NPY1R: variants seen among roughly 807,000 people sequenced by gnomAD.
The protein encoded by NPY1R is neuropeptide Y receptor type 1.
NPY1R carries 10 observed loss-of-function variants against 24.1 expected under a neutral mutation model. The observed-to-expected ratio is 0.42, with a 90% CI of 0.26 to 0.71. The LOEUF is 0.71. Ranked by LOEUF, NPY1R falls within the 30% of genes least tolerant of loss-of-function variation. The pLI is 0.28. For synonymous variants in NPY1R, 168 were observed against 165.9 expected, an observed-to-expected ratio of 1.01 and a Z score of -0.10; for missense variants, 350 against 458.0, an observed-to-expected ratio of 0.76 and a Z score of 2.15.
At position 163,325,601 on chromosome 4, in the gene NPY1R, AAC is replaced by A; in HGVS notation, c.855_856del (p.Phe286Ter). ...AGCAATGATCTGATGATTCCAATCA[AAC>A]ACAGTGTTAAAGATGGTAAGAGGGA... On this transcript the variant is annotated frameshift_variant, in exon 3 of 3. Transcript: ENST00000296533. LOFTEE classifies it high-confidence loss of function. 1.2e-6 allele frequency: 2 copies of A among 1,613,778 alleles called. No homozygotes were observed. Among genetic ancestry groups the A allele is most frequent in the Non-Finnish European group, 1.7e-6 (2 of 1,179,994 alleles).
Position 163,325,151 on chromosome 4 carries a change from C to T in NPY1R, c.*152G>A, listed in dbSNP as rs1734572800. ...GTTCCAAATGTAATTATGACAACTA[C>T]AACAAAAGCAGTAAAAAGCAAGACA... On this transcript the variant is annotated 3_prime_UTR_variant, in exon 3 of 3. Transcript: ENST00000296533. 1.6e-6 allele frequency: 1 copy of T among 627,852 alleles called. No homozygotes were observed. Among genetic ancestry groups the T allele is most frequent in the East Asian group, 2.8e-5 (1 of 36,266 alleles). The allele number at this position is 627,852 out of a possible 1,614,324, so 38.9% of individuals were successfully genotyped here.
Position 163,325,256 on chromosome 4 carries a change from C to T in NPY1R, c.*47G>A. On this transcript the variant is annotated 3_prime_UTR_variant, in exon 3 of 3. Transcript: ENST00000296533. Reference sequence around the variant, plus strand: ...TAATCAAAGTATGTTGCAGGTTGTGCTTGTTTTTAAACAGATGTCATCCGG... The same window carrying T: ...TAATCAAAGTATGTTGCAGGTTGTGTTTGTTTTTAAACAGATGTCATCCGG... 1.5e-6 allele frequency: 2 copies of T among 1,359,982 alleles called. No homozygotes were observed. The highest frequency in any genetic ancestry group is 2.7e-5 in the South Asian group (2 of 74,040). The allele number at this position is 1,359,982 out of a possible 1,614,324, so 84.2% of individuals were successfully genotyped here. A position where few individuals can be genotyped will look rare whatever the true frequency, so the allele number is the denominator to read the frequency against.
upstream of NPY1R, among the ~76,000 whole-genome samples, chr4:163,337,631 C>T (rs529942979): frequency 7.4e-4 from 112 of 152,284 alleles, no homozygotes; most frequent in African/African-American, 2.5e-3. Context: ...TGTCCCACCA[C>T]GCAGTCCATA....
upstream of NPY1R, among the ~76,000 whole-genome samples, chr4:163,336,428 A>G (rs1424319516): frequency 6.6e-6 from 1 of 152,170 alleles, no homozygotes; most frequent in African/African-American, 2.4e-5. Context: ...CCCTTCATAT[A>G]TTCTTTTGAA....
At chr4:163,328,446 T>C (rs1734657311) in intron 1 of NPY1R, among the ~76,000 whole-genome samples, 1 of 152,242 alleles carries the variant, frequency 6.6e-6, no homozygotes, top group African/African-American at 2.4e-5. Context: ...CTATTTAAGT[T>C]GCTACAGAGA....
chr4:163,342,000 C>G (rs1485798729), intron 1 of NPY1R, among the ~76,000 whole-genome samples: 1 of 152,122 alleles, frequency 6.6e-6, no homozygotes, highest in Admixed American at 6.5e-5. Context: ...TCCAAGTGTT[C>G]TTAATACTGT....
At chr4:163,327,369 C>T (rs911794878) in intron 1 of NPY1R, among the ~76,000 whole-genome samples, 1 of 152,088 alleles carries the variant, frequency 6.6e-6, no homozygotes, top group African/African-American at 2.4e-5. Context: ...TAGAACACAG[C>T]GTTGAGCTTA....
upstream of NPY1R, among the ~76,000 whole-genome samples, chr4:163,337,141 A>G (rs550767182): frequency 3.9e-5 from 6 of 152,284 alleles, 1 homozygote; most frequent in East Asian, 1.2e-3. Flanking sequence ...CCAGATACAA[A>G]TACATCTAGA....
At position 163,324,401 on chromosome 4, in the gene NPY1R, C is replaced by T. The variant is rs996190805; in HGVS notation, c.*902G>A. On this transcript the variant is annotated 3_prime_UTR_variant, in exon 3 of 3. Coordinates refer to ENST00000296533, the MANE Select transcript of NPY1R (RefSeq NM_000909.6). The stretch of plus-strand genomic sequence containing the variant: ...ATTTTGTGTTTCTACAAATTGTAAG[C>T]GGAAATGCCTTTTGAGTACATATTT... 1 of 152,322 alleles carries T rather than the reference C, an allele frequency of 6.6e-6. No homozygotes were observed. Among genetic ancestry groups the T allele is most frequent in the African/African-American group, 2.4e-5 (1 of 41,412 alleles). The allele number at this position is 152,322 out of a possible 1,614,324, so 9.4% of individuals were successfully genotyped here. A position where few individuals can be genotyped will look rare whatever the true frequency, so the allele number is the denominator to read the frequency against.
intron 1 of NPY1R, among the ~76,000 whole-genome samples, chr4:163,329,320 T>C (rs1734676359): frequency 1.3e-5 from 2 of 152,132 alleles, no homozygotes; most frequent in African/African-American, 4.8e-5. Context: ...AAAGAGGGAC[T>C]GGGGCCGGGC....
At chr4:163,328,952 C>A (rs1734668337) in intron 1 of NPY1R, among the ~76,000 whole-genome samples, 1 of 152,134 alleles carries the variant, frequency 6.6e-6, no homozygotes, top group Non-Finnish European at 1.5e-5. Flanking sequence ...ACTGATATAA[C>A]TGATGCATGG....
At chr4:163,340,602 G>A (rs1334581506) in intron 1 of NPY1R, among the ~76,000 whole-genome samples, 1 of 151,806 alleles carries the variant, frequency 6.6e-6, no homozygotes. Flanking sequence ...CTAATTAATG[G>A]CATAAAGTCA....
upstream of NPY1R, among the ~76,000 whole-genome samples, chr4:163,334,815 G>T (rs985234699): frequency 6.2e-5 from 9 of 145,996 alleles, no homozygotes; most frequent in Non-Finnish European, 1.0e-4. Context: ...AGCCGAGATC[G>T]CACGACTGCA....
At chr4:163,338,529 A>G (rs1326360418) in intron 1 of NPY1R, among the ~76,000 whole-genome samples, 2 of 151,996 alleles carry the variant, frequency 1.3e-5, no homozygotes, top group Non-Finnish European at 2.9e-5. Flanking sequence ...TGCCCCTTCT[A>G]GGTGGTACCC....
At chr4:163,337,486 C>T (rs921528781), upstream of NPY1R, among the ~76,000 whole-genome samples, 1 of 152,162 alleles carries the variant, frequency 6.6e-6, no homozygotes, top group Non-Finnish European at 1.5e-5. Context: ...TCAAGTCCCT[C>T]CTTTTGGCAA....
chr4:163,328,087 G>T (rs1248863146), intron 1 of NPY1R, among the ~76,000 whole-genome samples: 1 of 57,340 alleles, frequency 1.7e-5, no homozygotes, highest in Non-Finnish European at 3.8e-5. Context: ...TAGAACATGA[G>T]TTTTTTTTTT....
chr4:163,335,080 C>T (rs533312890), upstream of NPY1R, among the ~76,000 whole-genome samples: 44 of 152,088 alleles, frequency 2.9e-4, no homozygotes, highest in African/African-American at 9.6e-4. Flanking sequence ...TAAAGAGTTT[C>T]CTCATTCCAA....
chr4:163,326,060 A>T lies in NPY1R; in HGVS notation c.495T>A (p.Leu165=), dbSNP rs771049472. Residue 165 remains leucine (L), a synonymous_variant, in exon 2 of 3, where the codon CTT becomes CTA. Transcript: ENST00000296533. ...GGAAAGGCAAAGAAGAAGCCACAGC[A>T]AGGACCCAAATCACAGCAATACCTA... is the stretch of plus-strand genomic sequence containing the variant. ...AYVGIAVIWV[L]AVASSLPFLI... The T allele has an allele frequency of 4.3e-5, 70 of 1,614,018 alleles. No homozygotes were observed. Among genetic ancestry groups the T allele is most frequent in the Non-Finnish European group, 5.8e-5 (68 of 1,179,978 alleles).
chr4:163,326,043 AAAG>A lies in NPY1R; in HGVS notation c.509_511del (p.Ser170del). ...CATTACTTGGTAGATCAGGAAAGGCAAAGAAGAAGCCACAGCAAGGACCCAAAT... is the reference window on the plus strand; with the variant it reads ...CATTACTTGGTAGATCAGGAAAGGCAAAGAAGCCACAGCAAGGACCCAAAT... On this transcript the variant is annotated inframe_deletion, in exon 2 of 3. Transcript: ENST00000296533. 1 of 1,614,144 alleles carries A rather than the reference AAAG, an allele frequency of 6.2e-7. No homozygotes were observed. Among genetic ancestry groups the A allele is most frequent in the Non-Finnish European group, 8.5e-7 (1 of 1,179,986 alleles).
Sources: allele counts gnomAD v4.1 joint callset (sites outside exome capture counted in the v4.1 genomes callset), GRCh38; gene constraint gnomAD v4.1.1; transcripts MANE v1.5; gene names NCBI Gene and HGNC (gene_info 2026-07-23, HGNC 2026-07-21).